B4GALT1: variants seen among roughly 807,000 people sequenced by gnomAD.
B4GALT1 encodes the protein beta-1,4-galactosyltransferase 1, also known as N-acetyllactosamine synthase.
Under a neutral mutation model 34.9 loss-of-function variants are expected in B4GALT1, and 16 were observed. The observed-to-expected ratio is 0.46, with a 90% CI of 0.31 to 0.70. The LOEUF (loss-of-function observed/expected upper bound fraction) is 0.70. B4GALT1 is among the 30% of genes least tolerant of loss of function. The pLI is 0.05. For synonymous variants in B4GALT1, 221 were observed against 218.1 expected (o/e 1.01, Z -0.12); for missense variants, 445 against 530.5 (o/e 0.84, Z 1.58).
upstream of B4GALT1, chr9:33,167,407 G>T (rs978385192): frequency 8.2e-5 from 33 of 402,482 alleles, no homozygotes; most frequent in Non-Finnish European, 1.3e-4. Flanking sequence ...GGGCGGGGCC[G>T]GGCGCGGGGT....
intron 1 of B4GALT1, among the ~76,000 whole-genome samples, chr9:33,159,626 TAA>T (rs2118301745): frequency 1.3e-5 from 2 of 152,334 alleles, no homozygotes; most frequent in South Asian, 4.1e-4. Context: ...TGCCTCTCCC[TAA>T]GAGAGCTTCT....
At chr9:33,173,902 G>A in the B4GALT1 span, among the ~76,000 whole-genome samples, 2 of 152,082 alleles carry the variant, frequency 1.3e-5, no homozygotes, top group East Asian at 1.9e-4. Context: ...GGAAAAATTT[G>A]AGAATGAAAA....
chr9:33,127,918 G>A (rs766416735), intron 2 of B4GALT1, among the ~76,000 whole-genome samples: 3 of 152,206 alleles, frequency 2.0e-5, no homozygotes, highest in Non-Finnish European at 4.4e-5. Flanking sequence ...AGAGGCCCTG[G>A]TCTTGCCTAG....
At chr9:33,146,789 G>A (rs1564049307) in intron 1 of B4GALT1, among the ~76,000 whole-genome samples, 1 of 151,870 alleles carries the variant, frequency 6.6e-6, no homozygotes. Context: ...TGCCTCCTGG[G>A]TTCAAGTGAT....
chr9:33,116,519 A>ATTT (rs1839941329), intron 3 of B4GALT1, among the ~76,000 whole-genome samples: 3 of 51,774 alleles, frequency 5.8e-5, no homozygotes, highest in Admixed American at 5.8e-4. Context: ...ACCAAACCGG[A>ATTT]TCTTTTTTTT....
intron 4 of B4GALT1, 150 bp from the exon 5 acceptor site, chr9:33,114,028 A>G (rs1368800140): frequency 6.7e-6 from 5 of 748,024 alleles, no homozygotes; most frequent in Non-Finnish European, 1.2e-5. Flanking sequence ...CCAGCCCAGC[A>G]TGACCCTGGT....
At chr9:33,132,357 G>T (rs1159823148) in intron 2 of B4GALT1, among the ~76,000 whole-genome samples, 3 of 152,112 alleles carry the variant, frequency 2.0e-5, no homozygotes, top group Non-Finnish European at 2.9e-5. Flanking sequence ...CACTTGAGAC[G>T]GTTCTTGGAA....
At chr9:33,155,429 A>G (rs889792405) in intron 1 of B4GALT1, among the ~76,000 whole-genome samples, 2 of 152,182 alleles carry the variant, frequency 1.3e-5, no homozygotes, top group African/African-American at 4.8e-5. Flanking sequence ...CAAACATCTA[A>G]TGCTCCCTCT....
chr9:33,171,566 T>C (rs1033869509), upstream of B4GALT1, among the ~76,000 whole-genome samples: 13 of 152,160 alleles, frequency 8.5e-5, no homozygotes, highest in African/African-American at 3.1e-4. Flanking sequence ...GTTTTTACTT[T>C]TTTTTTTAGA....
intron 1 of B4GALT1, among the ~76,000 whole-genome samples, chr9:33,149,257 A>T (rs1401749193): frequency 2.6e-5 from 4 of 151,548 alleles, no homozygotes; most frequent in Non-Finnish European, 5.9e-5. Flanking sequence ...TATGCCCATA[A>T]GATACTTAAA....
chr9:33,151,549 C>T (rs566262590), intron 1 of B4GALT1, among the ~76,000 whole-genome samples: 1 of 152,340 alleles, frequency 6.6e-6, no homozygotes, highest in East Asian at 1.9e-4. Context: ...GCTCCAATTT[C>T]CTTCTCTAAG....
At chr9:33,161,827 C>T (rs1271535444) in intron 1 of B4GALT1, among the ~76,000 whole-genome samples, 4 of 152,150 alleles carry the variant, frequency 2.6e-5, no homozygotes, top group Non-Finnish European at 5.9e-5. Context: ...GAGCAGAGAA[C>T]AAAGAGTAAG....
rs1280408540 is a variant in B4GALT1, at chr9:33,120,728, T to C, written c.649-122A>G. On this transcript the variant is annotated intron_variant, in intron 2 of 5. Transcript: ENST00000379731. ...AGGAAACTCTTGGGCCTCACTTTTC[T>C]GCCGTCACTCTACAATCAACACAGA... 3.1e-6 allele frequency: 3 copies of C among 966,688 alleles called. No individual in the cohort carries two copies. In the East Asian group the frequency reaches 7.8e-5, roughly 25 times the overall value. 59.9% of individuals were successfully genotyped at this position (966,688 alleles called of 1,614,324 possible). A position where few individuals can be genotyped will look rare whatever the true frequency, so the allele number is the denominator to read the frequency against.
chr9:33,169,121 G>C (rs1358271981), upstream of B4GALT1, among the ~76,000 whole-genome samples: 3 of 152,152 alleles, frequency 2.0e-5, no homozygotes, highest in African/African-American at 4.8e-5. Context: ...CTACTAATTG[G>C]TCACCCTGCT....
chr9:33,130,028 A>G (rs1840170967), intron 2 of B4GALT1, among the ~76,000 whole-genome samples: 1 of 152,198 alleles, frequency 6.6e-6, no homozygotes, highest in Admixed American at 6.5e-5. Flanking sequence ...GGTCAGAACC[A>G]GAAAAATCCT....
rs149800125 is a variant in B4GALT1, at chr9:33,113,301, G to A, written c.*153C>T. On this transcript the variant is annotated 3_prime_UTR_variant, in exon 6 of 6. Coordinates refer to ENST00000379731, the MANE Select transcript of B4GALT1 (RefSeq NM_001497.4). The stretch of plus-strand genomic sequence containing the variant: ...AAGTTGGGGGCAAAATATCCCACTC[G>A]TCCTGGTCATCTGGAAAGCCATCTG... 10,388 of 1,174,346 alleles carry A rather than the reference G, an allele frequency of 8.8e-3. 53 individuals are homozygous for A. The highest frequency in any genetic ancestry group is 1.0e-2 in the Middle Eastern group (36 of 3,608). 72.7% of individuals were successfully genotyped at this position (1,174,346 alleles called of 1,614,324 possible).
At chr9:33,157,121 TACACACAC>T (rs199541947) in intron 1 of B4GALT1, among the ~76,000 whole-genome samples, 2,496 of 113,208 alleles carry the variant, frequency 0.022, 39 homozygotes, top group Non-Finnish European at 0.03. Context: ...CATAGGGAAC[TACACACAC>T]ACACACACAC....
At chr9:33,154,699 T>C (rs142500161) in intron 1 of B4GALT1, among the ~76,000 whole-genome samples, 97 of 152,332 alleles carry the variant, frequency 6.4e-4, no homozygotes, top group African/African-American at 2.1e-3. Context: ...ATCTTGACTT[T>C]TGATTTCCTG....
chr9:33,106,895 G>C (rs186852286), downstream of B4GALT1, among the ~76,000 whole-genome samples: 73 of 152,250 alleles, frequency 4.8e-4, 1 homozygote, highest in African/African-American at 1.6e-3. Flanking sequence ...ACAGCCACAC[G>C]TAATGGTCAT....
Sources: gnomAD v4.1 joint callset for allele counts (sites outside exome capture counted in the v4.1 genomes callset) on GRCh38, gnomAD v4.1.1 for gene constraint, MANE v1.5 for transcripts, NCBI Gene and HGNC (gene_info 2026-07-23, HGNC 2026-07-21) for gene names.